BCAR3: variants seen among roughly 807,000 people sequenced by gnomAD.
The protein encoded by BCAR3 is breast cancer anti-estrogen resistance protein 3.
In BCAR3, 37 loss-of-function variants were observed where a neutral mutation model predicts 80.1. The observed-to-expected ratio is 0.46, with a 90% CI of 0.36 to 0.61. The LOEUF is 0.61. BCAR3 is among the 20% of genes least tolerant of loss of function. The pLI, the probability that BCAR3 is intolerant of heterozygous loss-of-function variation, is 0.00. For missense variants in BCAR3, 978 were observed against 1,068.2 expected (o/e 0.92, Z 1.18); for synonymous variants, 389 against 418.9 (o/e 0.93, Z 0.87).
intron 3 of BCAR3, among the ~76,000 whole-genome samples, chr1:93,608,086 A>G (rs1020633084): frequency 7.9e-5 from 12 of 152,216 alleles, no homozygotes; most frequent in African/African-American, 2.4e-4. Context: ...TCCTTTCTAC[A>G]TAACTATTTT....
intron 2 of BCAR3, among the ~76,000 whole-genome samples, chr1:93,776,389 T>C (rs1652549763): frequency 6.6e-6 from 1 of 152,190 alleles, no homozygotes; most frequent in Non-Finnish European, 1.5e-5. Context: ...CCATTTTATC[T>C]GCGGAAATGT....
In BCAR3 at chr1:93,567,804, G is replaced by C. The variant is rs1193387247; in HGVS notation, c.2022C>G (p.Thr674=). Reference sequence around the variant, plus strand: ...GTTTCTCATAGAGAATGGCAGTTTGGGTGTACTGGTGCCGCAGAGCAGTCC... The same window carrying C: ...GTTTCTCATAGAGAATGGCAGTTTGCGTGTACTGGTGCCGCAGAGCAGTCC... ...KTWTALRHQY[T]QTAILYEKQL... Residue 674 remains threonine, a synonymous_variant, in exon 10 of 12, where the codon ACC becomes ACG. Transcript: ENST00000260502. 6.2e-7 allele frequency: 1 copy of C among 1,614,062 alleles called. No homozygotes were observed. The highest frequency in any genetic ancestry group is 8.5e-7 in the Non-Finnish European group (1 of 1,180,032).
chr1:93,691,163 C>A (rs1484835149), intron 3 of BCAR3, among the ~76,000 whole-genome samples: 4 of 152,176 alleles, frequency 2.6e-5, no homozygotes, highest in African/African-American at 9.7e-5. Context: ...CATTCTAATT[C>A]CACATCCCAT....
At chr1:93,573,384 A>ACTAT (rs750007835) in intron 8 of BCAR3, among the ~76,000 whole-genome samples, 146 of 132,690 alleles carry the variant, frequency 1.1e-3, no homozygotes, top group African/African-American at 3.4e-3. Flanking sequence ...AACTAGAGAG[A>ACTAT]CTATCTCAAA....
At chr1:93,668,959 G>T (rs939534519) in intron 2 of BCAR3, among the ~76,000 whole-genome samples, 4 of 152,044 alleles carry the variant, frequency 2.6e-5, no homozygotes, top group African/African-American at 9.7e-5. Flanking sequence ...TGATCCACCT[G>T]CCTCAGCCTC....
rs1281315267 is a variant in BCAR3 at position 93,729,045 on chromosome 1, CA to C, written c.-62-22904del. Among the ~76,000 whole-genome samples, 3 of 152,186 alleles carry C rather than the reference CA, an allele frequency of 2.0e-5. No homozygotes were observed. The East Asian group carries it at 5.8e-4, about 29-fold the overall frequency. The stretch of plus-strand genomic sequence containing the variant: ...CCTTTCTGTATCACTAGGACACTAA[CA>C]CATGGTATATCTGCTGTACACTGTA... On this transcript the variant is annotated intron_variant, in intron 2 of 13. Transcript: ENST00000370244.
At chr1:93,594,268 A>T (rs1242423255) in intron 3 of BCAR3, 1 of 152,256 alleles carries the variant, frequency 6.6e-6, no homozygotes, top group Non-Finnish European at 1.5e-5. Context: ...TTGCTTAGTT[A>T]TGGAGATTCT....
intron 2 of BCAR3, among the ~76,000 whole-genome samples, chr1:93,832,481 G>A (rs1020689431): frequency 5.9e-5 from 9 of 152,166 alleles, no homozygotes; most frequent in African/African-American, 1.9e-4. Context: ...TCTGGCCCAA[G>A]GCTCTCTGAC....
At chr1:93,672,367 C>T (rs950208618) in intron 2 of BCAR3, among the ~76,000 whole-genome samples, 1 of 151,852 alleles carries the variant, frequency 6.6e-6, no homozygotes, top group Non-Finnish European at 1.5e-5. Context: ...TAAGAGCTGG[C>T]ACCTAGCCAG....
At chr1:93,808,960 G>C (rs1653739539) in intron 2 of BCAR3, among the ~76,000 whole-genome samples, 1 of 152,050 alleles carries the variant, frequency 6.6e-6, no homozygotes, top group Admixed American at 6.6e-5. Flanking sequence ...GTCAACATCA[G>C]ACAAACATAA....
chr1:93,645,490 G>C (rs1676124270), intron 2 of BCAR3, among the ~76,000 whole-genome samples: 1 of 151,820 alleles, frequency 6.6e-6, no homozygotes. Flanking sequence ...CTCTTTTTCT[G>C]TCTTCCTTTC....
intron 2 of BCAR3, among the ~76,000 whole-genome samples, chr1:93,647,323 C>T (rs1676174242): frequency 6.6e-6 from 1 of 152,160 alleles, no homozygotes; most frequent in South Asian, 2.1e-4. Context: ...CTTAGAGATG[C>T]ACCTCCTTGC....
intron 2 of BCAR3, among the ~76,000 whole-genome samples, chr1:93,838,512 T>C (rs923702727): frequency 2.0e-5 from 3 of 152,158 alleles, no homozygotes; most frequent in Non-Finnish European, 4.4e-5. Context: ...ACACTGGGGA[T>C]CAAATATCAA....
chr1:93,765,578 C>G (rs1652116546), intron 2 of BCAR3, among the ~76,000 whole-genome samples: 1 of 152,142 alleles, frequency 6.6e-6, no homozygotes, highest in Non-Finnish European at 1.5e-5. Flanking sequence ...CCATCCATCA[C>G]CTCTCAAAGT....
At chr1:93,803,175 C>A (rs1653547531) in intron 2 of BCAR3, among the ~76,000 whole-genome samples, 1 of 152,108 alleles carries the variant, frequency 6.6e-6, no homozygotes, top group Non-Finnish European at 1.5e-5. Flanking sequence ...CCTGCAATAC[C>A]TCCACAAGAT....
At chr1:93,796,404 G>A (rs1276006955) in intron 2 of BCAR3, among the ~76,000 whole-genome samples, 1 of 145,794 alleles carries the variant, frequency 6.9e-6, no homozygotes, top group Non-Finnish European at 1.5e-5. Flanking sequence ...ATTCGGGTGG[G>A]AGTGACCTGA....
In BCAR3 at chr1:93,830,248, G is replaced by T. The variant is rs1003634745; in HGVS notation, c.-63+15319C>A. ...GAGGCCGAGGTGGGTGGATCACAAG[G>T]TCAGGAGTTCGAGACCAACCTGGCC... On this transcript the variant is annotated intron_variant, in intron 2 of 13. Transcript: ENST00000370244. Among the ~76,000 whole-genome samples the T allele has an allele frequency of 2.0e-5, 3 of 152,148 alleles. No individual in the cohort carries two copies. In the South Asian group the frequency reaches 6.2e-4, roughly 32 times the overall value.
chr1:93,597,119 A>C (rs1301659164), intron 3 of BCAR3, among the ~76,000 whole-genome samples: 8 of 152,218 alleles, frequency 5.3e-5, no homozygotes, highest in Non-Finnish European at 7.3e-5. Context: ...ATGTACATAA[A>C]TAATAAGTAT....
chr1:93,684,797 T>A (rs1040307807), upstream of BCAR3, among the ~76,000 whole-genome samples: 1 of 152,194 alleles, frequency 6.6e-6, no homozygotes, highest in African/African-American at 2.4e-5. Context: ...TGGTGTGATC[T>A]CAGCTCACTG....
Sources: allele counts gnomAD v4.1 joint callset (sites outside exome capture counted in the v4.1 genomes callset), GRCh38; gene constraint gnomAD v4.1.1; transcripts MANE v1.5; gene names NCBI Gene and HGNC (gene_info 2026-07-23, HGNC 2026-07-21).